Variants in TLK1 observed in about 807,000 individuals in gnomAD.
The protein encoded by TLK1 is tousled like kinase 1.
A neutral mutation model predicts 105.3 loss-of-function variants in TLK1; 24 were observed. The ratio of observed to expected loss-of-function variants is 0.23; its 90% confidence interval spans 0.17 to 0.32. The LOEUF (loss-of-function observed/expected upper bound fraction) is 0.32, where lower values mean the gene tolerates loss of function less well. TLK1 is among the 10% of genes least tolerant of loss of function. The pLI is 1.00. For missense variants in TLK1, 558 were observed against 910.5 expected (o/e 0.61, Z 4.98); for synonymous variants, 321 against 310.4 (o/e 1.03, Z -0.36).
chr2:171,084,994 T>C (rs1688907273), intron 2 of TLK1, among the ~76,000 whole-genome samples: 1 of 152,102 alleles, frequency 6.6e-6, no homozygotes, highest in South Asian at 2.1e-4. Flanking sequence ...TATTTGAGAG[T>C]AAGCTACAGC....
At chr2:171,093,678 G>A (rs907905909) in intron 2 of TLK1, among the ~76,000 whole-genome samples, 5 of 151,820 alleles carry the variant, frequency 3.3e-5, no homozygotes, top group African/African-American at 9.7e-5. Context: ...AAAATTCCAA[G>A]CAACACCTTC....
intron 3 of TLK1, among the ~76,000 whole-genome samples, chr2:171,080,232 C>T (rs1193957296): frequency 1.3e-5 from 2 of 149,684 alleles, no homozygotes; most frequent in Non-Finnish European, 3.0e-5. Flanking sequence ...CCTTCCAGTA[C>T]TATTTGCTCC....
At chr2:171,182,665 A>T (rs1692946702) in intron 1 of TLK1, among the ~76,000 whole-genome samples, 1 of 152,166 alleles carries the variant, frequency 6.6e-6, no homozygotes, top group Non-Finnish European at 1.5e-5. Context: ...CACACCAGTA[A>T]TCCCAACACT....
At chr2:170,994,805 T>G in intron 20 of TLK1, 3 of 430,640 alleles carry the variant, frequency 7.0e-6, no homozygotes, top group South Asian at 5.2e-5. Context: ...TGTTCTCCTT[T>G]GCCAGGCCTC....
intron 3 of TLK1, among the ~76,000 whole-genome samples, chr2:171,075,452 T>A (rs552593221): frequency 6.6e-6 from 1 of 152,264 alleles, no homozygotes; most frequent in East Asian, 1.9e-4. Flanking sequence ...TAGTATATAT[T>A]TTAACTTGTT....
chr2:171,006,355 C>G, intron 17 of TLK1, 73 bp from the exon 18 acceptor site: 1 of 1,475,526 alleles, frequency 6.8e-7, no homozygotes, highest in South Asian at 1.4e-5. Flanking sequence ...TTTAATTTTA[C>G]TAGTATTTTA....
At chr2:171,163,794 T>TG (rs911504441), upstream of TLK1, among the ~76,000 whole-genome samples, 7 of 152,140 alleles carry the variant, frequency 4.6e-5, no homozygotes, top group African/African-American at 1.4e-4. Flanking sequence ...GGTGCAATCT[T>TG]GGCTCACTGC....
chr2:171,203,100 T>C (rs1693434141), intron 1 of TLK1, among the ~76,000 whole-genome samples: 2 of 152,192 alleles, frequency 1.3e-5, no homozygotes, highest in South Asian at 2.1e-4. Flanking sequence ...AGTTGTTTTT[T>C]CTACTGCAAA....
At chr2:171,118,576 G>A (rs1199769178) in intron 1 of TLK1, among the ~76,000 whole-genome samples, 1 of 152,034 alleles carries the variant, frequency 6.6e-6, no homozygotes, top group Non-Finnish European at 1.5e-5. Context: ...AAAATTAAGG[G>A]GAAAAATTTA....
At chr2:171,122,008 G>A (rs1690672859) in intron 1 of TLK1, among the ~76,000 whole-genome samples, 1 of 152,182 alleles carries the variant, frequency 6.6e-6, no homozygotes, top group Non-Finnish European at 1.5e-5. Context: ...GTGTAGTGGT[G>A]CAATCTTGGC....
At position 171,149,109 on chromosome 2, in the gene TLK1, T is replaced by C. The variant is rs554159112; in HGVS notation, c.139+11181A>G. Among the ~76,000 whole-genome samples the C allele has an allele frequency of 5.5e-5, 8 of 145,490 alleles. No individual in the cohort carries two copies. The East Asian group carries it at 1.6e-3, about 28-fold the overall frequency. On this transcript the variant is annotated intron_variant, in intron 1 of 20. Coordinates refer to ENST00000431350, the MANE Select transcript of TLK1 (RefSeq NM_012290.5). The stretch of plus-strand genomic sequence containing the variant: ...CTTTGAATTACTTTTCTTTTTTTTT[T>C]TTTTTTTTTTTTTTAACATTTCTAA...
At chr2:171,197,416 T>C (rs1693295935) in intron 1 of TLK1, among the ~76,000 whole-genome samples, 1 of 152,150 alleles carries the variant, frequency 6.6e-6, no homozygotes, top group East Asian at 1.9e-4. Flanking sequence ...GGCACAAATA[T>C]AAAACATTCA....
chr2:171,067,160 G>A (rs944829071), intron 3 of TLK1, among the ~76,000 whole-genome samples: 1 of 141,094 alleles, frequency 7.1e-6, no homozygotes, highest in African/African-American at 2.6e-5. Flanking sequence ...GTGCACTTAG[G>A]TTTTTTTTTT....
rs186731995 is a variant in TLK1 at position 171,014,493 on chromosome 2, C to A, written c.1334+358G>T. Among the ~76,000 whole-genome samples, 492 of 151,946 alleles carry A rather than the reference C, an allele frequency of 3.2e-3. 2 individuals are homozygous for A. The highest frequency in any genetic ancestry group is 0.011 in the African/African-American group (468 of 41,430). On this transcript the variant is annotated intron_variant, in intron 13 of 20. Coordinates refer to ENST00000431350, the MANE Select transcript of TLK1 (RefSeq NM_012290.5). ...GGAACTATAGGTGAGCACCACTGGGCCTGGCTAGGGACTACTATTTTAAAT... is the reference window on the plus strand; with the variant it reads ...GGAACTATAGGTGAGCACCACTGGGACTGGCTAGGGACTACTATTTTAAAT...
rs1201896567 is a variant in TLK1, at chr2:171,184,881, C to T, written c.-6+46264G>A. ...TGAGATGGAGTCTTGCTCTGTCACC[C>T]AGGCTGGAGTGCAGTGGCACGATCT... On this transcript the variant is annotated intron_variant, in intron 1 of 20. Coordinates refer to the TLK1 transcript ENST00000521943. 2.0e-5 allele frequency among the ~76,000 whole-genome samples: 3 copies of T among 152,174 alleles called. 1 individual carries two copies. Among genetic ancestry groups the T allele is most frequent in the South Asian group, 4.2e-4 (2 of 4,818 alleles).
At chr2:171,207,000 T>C (rs1438783004) in intron 1 of TLK1, among the ~76,000 whole-genome samples, 3 of 152,188 alleles carry the variant, frequency 2.0e-5, no homozygotes, top group Non-Finnish European at 4.4e-5. Context: ...CAGTTTCTTA[T>C]AAAATTAAAC....
At chr2:171,193,437 C>T (rs1693195183) in intron 1 of TLK1, among the ~76,000 whole-genome samples, 1 of 149,600 alleles carries the variant, frequency 6.7e-6, no homozygotes, top group African/African-American at 2.5e-5. Context: ...CGTTCTGTAG[C>T]CCAGGCTGGA....
chr2:171,021,243 G>GATATTAA (rs1462082761), intron 12 of TLK1, among the ~76,000 whole-genome samples: 2 of 140,412 alleles, frequency 1.4e-5, no homozygotes, highest in African/African-American at 5.0e-5. Flanking sequence ...GAATTCAACT[G>GATATTAA]ATTGGCAAAA....
intron 11 of TLK1, among the ~76,000 whole-genome samples, chr2:171,036,737 C>G (rs1689004767): frequency 6.6e-6 from 1 of 152,140 alleles, no homozygotes; most frequent in Admixed American, 6.5e-5. Flanking sequence ...GATTATACCC[C>G]AAGTCTCACT....
Sources: allele counts gnomAD v4.1 joint callset (sites outside exome capture counted in the v4.1 genomes callset), GRCh38; gene constraint gnomAD v4.1.1; transcripts MANE v1.5; gene names NCBI Gene and HGNC (gene_info 2026-07-23, HGNC 2026-07-21).